GLT1D1: variants seen among roughly 807,000 people sequenced by gnomAD.
The protein encoded by GLT1D1 is glycosyltransferase 1 domain-containing protein 1.
A neutral mutation model predicts 28.7 loss-of-function variants in GLT1D1; 21 were observed. The observed-to-expected ratio is 0.73, with a 90% CI of 0.52 to 1.05. The LOEUF is 1.05. GLT1D1 is among the 50% of genes least tolerant of loss of function. The pLI is 0.00. For synonymous variants in GLT1D1, 147 were observed against 124.8 expected (o/e 1.18, Z -1.19); for missense variants, 343 against 330.6 (o/e 1.04, Z -0.29).
chr12:128,910,994 A>G (rs1432865241), intron 4 of GLT1D1, among the ~76,000 whole-genome samples: 1 of 152,118 alleles, frequency 6.6e-6, no homozygotes. Context: ...CAGTGGCGCA[A>G]TGTCGGCTCA....
At chr12:128,878,422 T>C (rs944612911) in intron 2 of GLT1D1, among the ~76,000 whole-genome samples, 1 of 152,228 alleles carries the variant, frequency 6.6e-6, no homozygotes, top group African/African-American at 2.4e-5. Context: ...TTTCACCTTT[T>C]AGAATGCTTG....
chr12:128,899,973 C>A (rs943931051), intron 4 of GLT1D1, among the ~76,000 whole-genome samples: 2 of 152,084 alleles, frequency 1.3e-5, no homozygotes, highest in Non-Finnish European at 2.9e-5. Flanking sequence ...CTGGGTTGGA[C>A]CGTTTATTAG....
intron 4 of GLT1D1, among the ~76,000 whole-genome samples, chr12:128,924,742 A>G (rs1873012241): frequency 6.6e-6 from 1 of 152,172 alleles, no homozygotes. Flanking sequence ...ATTCTTAAGA[A>G]TGAGAACAGA....
intron 4 of GLT1D1, among the ~76,000 whole-genome samples, chr12:128,937,463 G>C (rs868569461): frequency 6.6e-6 from 1 of 152,166 alleles, no homozygotes; most frequent in African/African-American, 2.4e-5. Context: ...TTACCATAGC[G>C]TGGGGTGGAG....
intron 4 of GLT1D1, among the ~76,000 whole-genome samples, chr12:128,908,866 G>T (rs1280942169): frequency 5.3e-5 from 8 of 152,122 alleles, no homozygotes; most frequent in Admixed American, 1.3e-4. Context: ...GGAGAATGGC[G>T]TGAACCCGGG....
intron 7 of GLT1D1, among the ~76,000 whole-genome samples, chr12:128,982,507 T>A (rs1880415967): frequency 6.6e-6 from 1 of 152,150 alleles, no homozygotes; most frequent in Non-Finnish European, 1.5e-5. Context: ...TCATATTGTA[T>A]GGGGCTCAGA....
At chr12:128,932,826 C>A (rs1874077388) in intron 4 of GLT1D1, among the ~76,000 whole-genome samples, 2 of 152,134 alleles carry the variant, frequency 1.3e-5, no homozygotes, top group Non-Finnish European at 2.9e-5. Context: ...GGTTTAAGAT[C>A]CCTGCCTCGT....
rs565106495 is a variant in GLT1D1 at position 128,969,483 on chromosome 12, A to G, written c.639+11840A>G. Among the ~76,000 whole-genome samples the G allele has an allele frequency of 2.6e-5, 4 of 152,290 alleles. No individual in the cohort carries two copies. In the East Asian group the frequency reaches 7.8e-4, roughly 30 times the overall value. On this transcript the variant is annotated intron_variant, in intron 7 of 7. Coordinates refer to ENST00000281703, the MANE Select transcript of GLT1D1 (RefSeq NM_144669.3). ...GCCCCTGGCTGACTGTGCAGCCCCT[A>G]GGGCAGGTTTGCCCCGAGCTGGGTG... is the stretch of plus-strand genomic sequence containing the variant.
chr12:128,873,758 T>C, intron 1 of GLT1D1, among the ~76,000 whole-genome samples: 1 of 152,188 alleles, frequency 6.6e-6, no homozygotes, highest in Non-Finnish European at 1.5e-5. Flanking sequence ...AGAGTCCAGT[T>C]GTATTTCTTT....
chr12:128,914,394 G>T (rs1871872216), intron 4 of GLT1D1, among the ~76,000 whole-genome samples: 1 of 152,134 alleles, frequency 6.6e-6, no homozygotes, highest in Non-Finnish European at 1.5e-5. Flanking sequence ...GCTGAAAGGG[G>T]TGCGTCTTTT....
chr12:128,963,373 G>A lies in GLT1D1; in HGVS notation c.639+5730G>A, dbSNP rs141460921. On this transcript the variant is annotated intron_variant, in intron 7 of 7. Transcript: ENST00000281703. Reference sequence around the variant, plus strand: ...ATAAAACAACAGTGGGATGCTGGGCGCAGTGGCTCACACCTGTTATCCCAG... The same window carrying A: ...ATAAAACAACAGTGGGATGCTGGGCACAGTGGCTCACACCTGTTATCCCAG... 3.0e-3 allele frequency among the ~76,000 whole-genome samples: 455 copies of A among 152,264 alleles called. 3 individuals are homozygous for A. Among genetic ancestry groups the A allele is most frequent in the African/African-American group, 0.01 (421 of 41,550 alleles).
At chr12:128,868,925 A>G (rs1956614705) in intron 1 of GLT1D1, among the ~76,000 whole-genome samples, 9 of 152,150 alleles carry the variant, frequency 5.9e-5, no homozygotes, top group Admixed American at 5.9e-4. Flanking sequence ...GCTGGAGTGC[A>G]ATGGCACGAT....
At position 128,874,122 on chromosome 12, in the gene GLT1D1, CTCTCTTTCTTTCTTTCTTTCTTTCTT is replaced by C. The variant is rs1283462342; in HGVS notation, c.69-1788_69-1763del. Among the ~76,000 whole-genome samples, 243 of 58,818 alleles carry C rather than the reference CTCTCTTTCTTTCTTTCTTTCTTTCTT, an allele frequency of 4.1e-3. 1 individual carries two copies. The highest frequency in any genetic ancestry group is 6.0e-3 in the Non-Finnish European group (194 of 32,306). 38.6% of individuals were successfully genotyped at this position (58,818 alleles called of 152,430 possible). A position where few individuals can be genotyped will look rare whatever the true frequency, so the allele number is the denominator to read the frequency against. On this transcript the variant is annotated intron_variant, in intron 1 of 7. Coordinates refer to ENST00000281703, the MANE Select transcript of GLT1D1 (RefSeq NM_144669.3). ...TTTCTCTCTCTCTCTCTCTCTCTCT[CTCTCTTTCTTTCTTTCTTTCTTTCTT>C]TCTTTCTTTCTTTCTTTCTTTCTTT...
chr12:128,982,491 T>G (rs1295640288), intron 7 of GLT1D1, among the ~76,000 whole-genome samples: 1 of 152,060 alleles, frequency 6.6e-6, no homozygotes, highest in East Asian at 1.9e-4. Context: ...AGAAATGGGC[T>G]GGGGGTCATA....
At chr12:128,931,213 G>A (rs1873838328) in intron 4 of GLT1D1, among the ~76,000 whole-genome samples, 1 of 152,078 alleles carries the variant, frequency 6.6e-6, no homozygotes, top group Non-Finnish European at 1.5e-5. Flanking sequence ...ATGTTGGCCA[G>A]GATGGTCTCA....
rs1877407674 is a variant in GLT1D1, at chr12:128,957,322, G to A, written c.541-223G>A. On this transcript the variant is annotated intron_variant, in intron 6 of 7. Transcript: ENST00000281703. Reference sequence around the variant, plus strand: ...ATTATGTCAGACAAACGATTACAGCGTATAGTGTTTCAGAGCTTCCAAACA... The same window carrying A: ...ATTATGTCAGACAAACGATTACAGCATATAGTGTTTCAGAGCTTCCAAACA... 2.6e-5 allele frequency among the ~76,000 whole-genome samples: 4 copies of A among 152,180 alleles called. No homozygotes were observed. In the South Asian group the frequency reaches 6.2e-4, roughly 24 times the overall value.
At chr12:128,962,971 A>AT (rs1878117226) in intron 7 of GLT1D1, among the ~76,000 whole-genome samples, 1 of 152,132 alleles carries the variant, frequency 6.6e-6, no homozygotes, top group African/African-American at 2.4e-5. Flanking sequence ...AAGTGCTGGG[A>AT]TTACAGGCAT....
chr12:128,911,594 G>A (rs749771456), intron 4 of GLT1D1, among the ~76,000 whole-genome samples: 8 of 152,178 alleles, frequency 5.3e-5, no homozygotes, highest in Non-Finnish European at 1.0e-4. Context: ...ATGACGGCCT[G>A]TTTTGATCAC....
intron 4 of GLT1D1, among the ~76,000 whole-genome samples, chr12:128,924,938 C>T (rs1566138074): frequency 6.6e-6 from 1 of 152,150 alleles, no homozygotes; most frequent in Non-Finnish European, 1.5e-5. Flanking sequence ...ATGGGAAGGG[C>T]TGCAAAGACT....
Sources: gnomAD v4.1 joint callset for allele counts (sites outside exome capture counted in the v4.1 genomes callset) on GRCh38, gnomAD v4.1.1 for gene constraint, MANE v1.5 for transcripts, NCBI Gene and HGNC (gene_info 2026-07-23, HGNC 2026-07-21) for gene names.